Variants in RFX4 observed in about 807,000 individuals in gnomAD.
RFX4 encodes the protein regulatory factor X4.
A neutral mutation model predicts 95.0 loss-of-function variants in RFX4; 10 were observed. The observed-to-expected ratio is 0.11, with a 90% CI of 0.06 to 0.18. The LOEUF (loss-of-function observed/expected upper bound fraction) is 0.18, where lower values mean the gene tolerates loss of function less well. Among genes scored for constraint, RFX4 ranks in the 10% least tolerant of loss-of-function variants. The probability of loss-of-function intolerance (pLI) is 1.00; values close to 1 mark genes in which losing one functional copy is unlikely to be tolerated. For missense variants in RFX4, 640 were observed against 922.0 expected, an observed-to-expected ratio of 0.69 and a Z score of 3.96; for synonymous variants, 321 against 340.7, an observed-to-expected ratio of 0.94 and a Z score of 0.64.
chr12:106,743,842 C>G (rs2042849208), intron 15 of RFX4, among the ~76,000 whole-genome samples: 1 of 152,142 alleles, frequency 6.6e-6, no homozygotes, highest in Non-Finnish European at 1.5e-5. Context: ...GCCTGAGGTC[C>G]CAGAGGCTTC....
chr12:106,583,328 G>A lies in RFX4; in HGVS notation c.8G>A (p.Cys3Tyr), dbSNP rs1355004288. Residue 3 changes from cysteine (C) to tyrosine (Y), a missense_variant, in exon 1 of 18, where the codon TGT becomes TAT. This residue lies in a region of RFX4 where 63 missense variants were observed against 68.8 expected (regional missense o/e 0.92). Coordinates refer to ENST00000392842, the MANE Select transcript of RFX4 (RefSeq NM_213594.3). ...GCTGTCCATGGGAAGAGCATGCATT[G>A]TGGGTTACTGGAGGAACCCGACATG... is the stretch of plus-strand genomic sequence containing the variant. MH[C>Y]GLLEEPDMDS... 1 of 1,581,248 alleles carries A rather than the reference G, an allele frequency of 6.3e-7. No homozygotes were observed. Among genetic ancestry groups the A allele is most frequent in the Non-Finnish European group, 8.6e-7 (1 of 1,166,942 alleles).
chr12:106,732,999 C>T lies in RFX4; in HGVS notation c.1547C>T (p.Ala516Val), dbSNP rs933427406. The T allele has an allele frequency of 2.5e-6, 4 of 1,614,082 alleles. No individual in the cohort carries two copies. The African/African-American group carries it at 5.3e-5, about 22-fold the overall frequency. The change falls in exon 15 of 18, where the codon GCA becomes GTA. Residue 516 changes from alanine to valine, a missense_variant. Coordinates refer to ENST00000392842, the MANE Select transcript of RFX4 (RefSeq NM_213594.3). ...TCACCAGTGCCATCGTTTTCTCCAG[C>T]AAAATCTGCCACATCTGTGGAAGTG... is the stretch of plus-strand genomic sequence containing the variant. ...TPSPVPSFSP[A>V]KSATSVEVPP... is the part of the protein sequence containing the mutation.
intron 16 of RFX4, among the ~76,000 whole-genome samples, chr12:106,749,093 A>G (rs1288762765): frequency 6.6e-6 from 1 of 151,004 alleles, no homozygotes; most frequent in African/African-American, 2.4e-5. Context: ...CAAAAAAAAA[A>G]AAAAAGAAAA....
At chr12:106,715,352 G>C (rs758427196) in intron 10 of RFX4, 48 bp from the exon 11 acceptor site, 62 of 1,586,256 alleles carry the variant, frequency 3.9e-5, no homozygotes, top group Admixed American at 8.8e-5. Flanking sequence ...TACAGTGAAA[G>C]GGTTTTAACA....
chr12:106,616,049 G>A (rs1352609252), intron 2 of RFX4, among the ~76,000 whole-genome samples: 1 of 152,134 alleles, frequency 6.6e-6, no homozygotes, highest in Non-Finnish European at 1.5e-5. Flanking sequence ...AACCTAAGTG[G>A]TGAACGCATT....
At chr12:106,759,683 G>A (rs989056837) in intron 17 of RFX4, among the ~76,000 whole-genome samples, 12 of 152,162 alleles carry the variant, frequency 7.9e-5, no homozygotes, top group African/African-American at 2.7e-4. Flanking sequence ...GATTAGGAAA[G>A]CCTTGGCGTG....
At chr12:106,732,741 TA>T (rs1207771555) in intron 14 of RFX4, among the ~76,000 whole-genome samples, 182 bp from the exon 15 acceptor site, 2 of 151,984 alleles carry the variant, frequency 1.3e-5, no homozygotes, top group East Asian at 3.9e-4. Context: ...ACAAATTAAA[TA>T]AAGTGGGCAT....
chr12:106,757,528 A>C, intron 17 of RFX4, among the ~76,000 whole-genome samples: 1 of 150,418 alleles, frequency 6.6e-6, no homozygotes, highest in East Asian at 2.0e-4. Context: ...AGCCTGGGTG[A>C]CAGGGCAAGA....
At chr12:106,606,157 G>C (rs1196967813) in intron 1 of RFX4, among the ~76,000 whole-genome samples, 1 of 152,176 alleles carries the variant, frequency 6.6e-6, no homozygotes, top group Non-Finnish European at 1.5e-5. Flanking sequence ...GCAAGAACAG[G>C]CCCTTCTAAG....
intron 2 of RFX4, among the ~76,000 whole-genome samples, chr12:106,638,491 A>AGCACTT (rs1555227002): frequency 6.6e-6 from 1 of 151,810 alleles, no homozygotes; most frequent in African/African-American, 2.4e-5. Flanking sequence ...GATTCTTCTG[A>AGCACTT]ACACTTTCCC....
Position 106,720,075 on chromosome 12 carries a change from C to G in RFX4, c.1233+21C>G, listed in dbSNP as rs556296652. The G allele has an allele frequency of 5.0e-6, 8 of 1,606,690 alleles. No individual in the cohort carries two copies. Among genetic ancestry groups the G allele is most frequent in the Non-Finnish European group, 6.8e-6 (8 of 1,173,706 alleles). ...TGAAGGTTGGTAAACCGGCACCTAGCGGGCAGCCTTGGGCCCTGCAGCCCA... is the reference window on the plus strand; with the variant it reads ...TGAAGGTTGGTAAACCGGCACCTAGGGGGCAGCCTTGGGCCCTGCAGCCCA... On this transcript the variant is annotated intron_variant, in intron 12 of 17. Coordinates refer to ENST00000392842, the MANE Select transcript of RFX4 (RefSeq NM_213594.3). The surrounding 1 kb of genome is among the most constrained non-coding windows in gnomAD (Gnocchi z 4.2).
At chr12:106,609,956 T>C (rs183433643) in intron 2 of RFX4, among the ~76,000 whole-genome samples, 1 of 152,250 alleles carries the variant, frequency 6.6e-6, no homozygotes, top group African/African-American at 2.4e-5. Flanking sequence ...CTTTTCTCAG[T>C]CAGTATAATG....
At chr12:106,716,529 T>C (rs1041006683) in intron 11 of RFX4, among the ~76,000 whole-genome samples, 2 of 152,126 alleles carry the variant, frequency 1.3e-5, no homozygotes, top group Non-Finnish European at 2.9e-5. Context: ...GAGGGTCCTA[T>C]TAGAGATCTC....
chr12:106,672,173 A>G (rs2137370626), intron 4 of RFX4, among the ~76,000 whole-genome samples: 1 of 152,248 alleles, frequency 6.6e-6, no homozygotes, highest in South Asian at 2.1e-4. Flanking sequence ...CACCCACAAA[A>G]TGATGTAAGG....
At chr12:106,643,539 A>G (rs1018740876) in intron 3 of RFX4, among the ~76,000 whole-genome samples, 1 of 152,220 alleles carries the variant, frequency 6.6e-6, no homozygotes, top group African/African-American at 2.4e-5. Flanking sequence ...TGGTTTCAGT[A>G]TAAAAACTTT....
At chr12:106,623,205 A>AT (rs1357076611) in intron 2 of RFX4, among the ~76,000 whole-genome samples, 1 of 150,430 alleles carries the variant, frequency 6.6e-6, no homozygotes, top group Non-Finnish European at 1.5e-5. Flanking sequence ...CACCTGGCTA[A>AT]TTTTTTGTAT....
chr12:106,593,012 G>C (rs1024034481), intron 1 of RFX4, among the ~76,000 whole-genome samples: 1 of 152,154 alleles, frequency 6.6e-6, no homozygotes, highest in African/African-American at 2.4e-5. Context: ...GACCTGTGCC[G>C]GGAGATTACG....
chr12:106,726,178 G>A (rs922836765), intron 13 of RFX4, among the ~76,000 whole-genome samples: 1 of 151,360 alleles, frequency 6.6e-6, no homozygotes, highest in Non-Finnish European at 1.5e-5. Context: ...ATCCCGGGAG[G>A]CAGAGGTTGC....
chr12:106,625,022 A>C (rs1565954694), intron 2 of RFX4, among the ~76,000 whole-genome samples: 2 of 152,196 alleles, frequency 1.3e-5, no homozygotes, highest in African/African-American at 2.4e-5. Context: ...GGTCAAAATG[A>C]AAATGTGTTG....
Sources: gnomAD v4.1 joint callset for allele counts (sites outside exome capture counted in the v4.1 genomes callset) on GRCh38, gnomAD v4.1.1 for gene constraint, gnomAD v4.1.1 regional missense constraint, Gnocchi (gnomAD v3.1) non-coding constraint, MANE v1.5 for transcripts, NCBI Gene and HGNC (gene_info 2026-07-23, HGNC 2026-07-21) for gene names.